The following ZBTB11 variants were observed in gnomAD, a reference collection of about 807,000 sequenced individuals.
ZBTB11 encodes the protein zinc finger and BTB domain containing 11, also known as zinc finger and BTB domain-containing protein 11.
A neutral mutation model predicts 113.1 loss-of-function variants in ZBTB11; 68 were observed. That is an observed-to-expected ratio of 0.60 (90% CI 0.49 to 0.74). The LOEUF (loss-of-function observed/expected upper bound fraction) is 0.74, where lower values mean the gene tolerates loss of function less well. ZBTB11 is among the 30% of genes least tolerant of loss of function. The probability of loss-of-function intolerance (pLI) is 0.00; values close to 1 mark genes in which losing one functional copy is unlikely to be tolerated. For synonymous variants in ZBTB11, 518 were observed against 452.6 expected, an observed-to-expected ratio of 1.14 and a Z score of -1.83; for missense variants, 1,104 against 1,279.4, an observed-to-expected ratio of 0.86 and a Z score of 2.09.
chr3:101,655,208 A>G (rs1431373332), intron 7 of ZBTB11, among the ~76,000 whole-genome samples: 3 of 152,214 alleles, frequency 2.0e-5, no homozygotes, highest in Admixed American at 6.6e-5. Flanking sequence ...GTCATATTTC[A>G]GAAGTTACTT....
intron 3 of ZBTB11, 44 bp from the exon 4 acceptor site, chr3:101,665,852 A>G: frequency 6.7e-7 from 1 of 1,501,832 alleles, no homozygotes; most frequent in South Asian, 1.3e-5. Context: ...GTCAATTATC[A>G]ATGAAACAAT....
Position 101,656,200 on chromosome 3 carries a change from T to G in ZBTB11, c.2095A>C (p.Ser699Arg), listed in dbSNP as rs754368653. 6.3e-7 allele frequency: 1 copy of G among 1,599,870 alleles called. No homozygotes were observed. Among genetic ancestry groups the G allele is most frequent in the Non-Finnish European group, 8.5e-7 (1 of 1,173,858 alleles). The change falls in exon 7 of 11, where the codon AGT becomes CGT. Residue 699 changes from serine (S) to arginine (R), a missense_variant. This residue lies in a region of ZBTB11 where 535 missense variants were observed against 518.6 expected (regional missense o/e 1.03). Coordinates refer to ENST00000312938, the MANE Select transcript of ZBTB11 (RefSeq NM_014415.4). ...AACTGCTTCTGTGATTGATGAAGACTCTGATGTAATTTTAGACCATGCTTA... is the reference window on the plus strand; with the variant it reads ...AACTGCTTCTGTGATTGATGAAGACGCTGATGTAATTTTAGACCATGCTTA... ...IYKHGLKLHQ[S>R]LHQSQKQFQC...
intron 6 of ZBTB11, among the ~76,000 whole-genome samples, chr3:101,657,826 G>A (rs1559983082): frequency 6.6e-6 from 1 of 151,638 alleles, no homozygotes; most frequent in Non-Finnish European, 1.5e-5. Flanking sequence ...AAAAGGCAGG[G>A]TCTCTATAAA....
In ZBTB11 at chr3:101,676,982, C is replaced by A. The variant is rs890593545; in HGVS notation, c.-68G>T. 1 of 1,474,628 alleles carries A rather than the reference C, an allele frequency of 6.8e-7. No individual in the cohort carries two copies. The highest frequency in any genetic ancestry group is 1.4e-5 in the African/African-American group (1 of 69,734). 91.3% of individuals were successfully genotyped at this position (1,474,628 alleles called of 1,614,324 possible). On this transcript the variant is annotated 5_prime_UTR_variant, in exon 1 of 11. Coordinates refer to ENST00000312938, the MANE Select transcript of ZBTB11 (RefSeq NM_014415.4). Reference sequence around the variant, plus strand: ...AGGAAAACGGCCCGCTACCTACGGGCGGCTGCAGGAGGAGCGGCGGCACCG... The same window carrying A: ...AGGAAAACGGCCCGCTACCTACGGGAGGCTGCAGGAGGAGCGGCGGCACCG...
Position 101,651,188 on chromosome 3 carries a change from G to T in ZBTB11, c.3140C>A (p.Ala1047Glu), listed in dbSNP as rs1376303279. ...TACTCATTCTCCTCCTGAAATATGT[G>T]CTACCTCTACTTTAACAGTTTGAAT... Reference protein sequence around the residue: ...EAIQTVKVEVAHISGGE With the variant: ...EAIQTVKVEVEHISGGE The change falls in exon 11 of 11, where the codon GCA becomes GAA. Residue 1047 changes from alanine (A) to glutamate (E), a missense_variant. Transcript: ENST00000312938. 1 of 1,597,508 alleles carries T rather than the reference G, an allele frequency of 6.3e-7. No individual in the cohort carries two copies. The highest frequency in any genetic ancestry group is 1.3e-5 in the African/African-American group (1 of 74,274).
intron 3 of ZBTB11, among the ~76,000 whole-genome samples, chr3:101,667,257 C>G (rs1235930561): frequency 6.6e-6 from 1 of 152,132 alleles, no homozygotes; most frequent in Non-Finnish European, 1.5e-5. Context: ...CTCAGCTGAT[C>G]TTGACCTCCT....
In ZBTB11 at chr3:101,665,687, G is replaced by A; in HGVS notation, c.900C>T (p.Val300=). The change falls in exon 4 of 11, where the codon GTC becomes GTT. Residue 300 remains valine (V), a synonymous_variant. Coordinates refer to ENST00000312938, the MANE Select transcript of ZBTB11 (RefSeq NM_014415.4). ...ILARHLFMSE[V]LEICESVHKL... Reference sequence around the variant, plus strand: ...TATGTACACTTTCACAAATCTCTAAGACTTCTGACATGAAAAGATGACGAG... The same window carrying A: ...TATGTACACTTTCACAAATCTCTAAAACTTCTGACATGAAAAGATGACGAG... 1 of 1,614,124 alleles carries A rather than the reference G, an allele frequency of 6.2e-7. No individual in the cohort carries two copies. The highest frequency in any genetic ancestry group is 8.5e-7 in the Non-Finnish European group (1 of 1,180,028).
chr3:101,659,974 G>A lies in ZBTB11; in HGVS notation c.1855C>T (p.His619Tyr). The A allele has an allele frequency of 6.2e-7, 1 of 1,614,206 alleles. No individual in the cohort carries two copies. ...SASLRAHLIR[H>Y]TRKDAPSSSS... is the part of the protein sequence containing the mutation. ...GAAGAGGGTGCATCTTTTCTGGTAT[G>A]ACGAATAAGATGTGCTCGCAAAGAG... Residue 619 changes from histidine to tyrosine, a missense_variant, in exon 6 of 11, where the codon CAT (histidine) becomes TAT (tyrosine). His to Tyr is a moderately conservative substitution (Grantham distance 83). Coordinates refer to ENST00000312938, the MANE Select transcript of ZBTB11 (RefSeq NM_014415.4).
intron 10 of ZBTB11, 45 bp from the exon 11 acceptor site, chr3:101,651,728 CA>C: frequency 6.7e-7 from 1 of 1,485,594 alleles, no homozygotes; most frequent in African/African-American, 1.4e-5. Flanking sequence ...GTGCAAGCAC[CA>C]AAATATACTT....
intron 7 of ZBTB11, chr3:101,655,695 C>T (rs1936783121): frequency 6.6e-6 from 1 of 150,754 alleles, no homozygotes; most frequent in African/African-American, 2.4e-5. Context: ...GATTCTTGCT[C>T]TGTCGCCCAG....
rs1194470550 is a variant in ZBTB11 at position 101,654,688 on chromosome 3, C to G, written c.2309+16G>C. ...ATAATTAAATTAACTGAATGCCTCA[C>G]ATATTGAATACTTACTGAGTACAAT... On this transcript the variant is annotated intron_variant, in intron 8 of 10. Transcript: ENST00000312938. 1 of 1,588,198 alleles carries G rather than the reference C, an allele frequency of 6.3e-7. No homozygotes were observed. Among genetic ancestry groups the G allele is most frequent in the African/African-American group, 1.4e-5 (1 of 73,954 alleles).
chr3:101,676,737 CG>C lies in ZBTB11; in HGVS notation c.177del (p.Phe59LeufsTer48). 1 of 1,605,054 alleles carries C rather than the reference CG, an allele frequency of 6.2e-7. No homozygotes were observed. Among genetic ancestry groups the C allele is most frequent in the Non-Finnish European group, 8.5e-7 (1 of 1,176,116 alleles). ...YQRRQRHRKTFAELEVVLQPE... is the reference protein window; with the variant it reads ...YQRRQRHRKTXAELEVVLQPE... Reference sequence around the variant, plus strand: ...GGCTGCAGCACCACCTCCAGCTCCGCGAAGGTCTTGCGGTGCCGCTGCCGCC... The same window carrying C: ...GGCTGCAGCACCACCTCCAGCTCCGCAAGGTCTTGCGGTGCCGCTGCCGCC... On this transcript the variant is annotated frameshift_variant, in exon 1 of 11. Coordinates refer to ENST00000312938, the MANE Select transcript of ZBTB11 (RefSeq NM_014415.4). LOFTEE classifies it high-confidence loss of function.
At chr3:101,669,118 C>T (rs943466550) in intron 3 of ZBTB11, among the ~76,000 whole-genome samples, 9 of 152,076 alleles carry the variant, frequency 5.9e-5, no homozygotes, top group East Asian at 1.9e-4. Context: ...CTGCAACCTC[C>T]GCCTCCTGGG....
chr3:101,660,603 CTT>C (rs1464571105), intron 5 of ZBTB11, among the ~76,000 whole-genome samples: 5 of 152,192 alleles, frequency 3.3e-5, no homozygotes, highest in Non-Finnish European at 5.9e-5. Flanking sequence ...ATGACTCTCT[CTT>C]GATGCTTCCC....
intron 6 of ZBTB11, 134 bp downstream of exon 6, chr3:101,659,649 A>G (rs1337487021): frequency 3.6e-6 from 4 of 1,096,428 alleles, no homozygotes; most frequent in Non-Finnish European, 5.2e-6. Context: ...GATCTAGGCA[A>G]TAAAGAAGTC....
At chr3:101,654,083 A>T (rs1441983123) in intron 8 of ZBTB11, among the ~76,000 whole-genome samples, 1 of 151,494 alleles carries the variant, frequency 6.6e-6, no homozygotes, top group African/African-American at 2.4e-5. Context: ...TCTGTCACCC[A>T]GGATGGAGTG....
chr3:101,665,394 G>A lies in ZBTB11; in HGVS notation c.1193C>T (p.Ser398Leu), dbSNP rs201477662. The change falls in exon 4 of 11, where the codon TCA (serine) becomes TTA (leucine). Residue 398 changes from serine to leucine, a missense_variant. Around this residue, in one of 5 missense-constraint regions of ZBTB11, gnomAD observed 535 missense variants for 518.6 expected, o/e 1.03. Coordinates refer to ENST00000312938, the MANE Select transcript of ZBTB11 (RefSeq NM_014415.4). ...ATGGGAATCAGCTATACATCCTACT[G>A]ATGACAGGGCAGATTCAGCCTCTGA... ...VSSEAESALS[S>L]VGCIADSHPE... is the part of the protein sequence containing the mutation. 3.1e-6 allele frequency: 5 copies of A among 1,614,196 alleles called. No homozygotes were observed. The highest frequency in any genetic ancestry group is 4.2e-6 in the Non-Finnish European group (5 of 1,180,034).
At chr3:101,664,928 C>T (rs752369136) in intron 4 of ZBTB11, 36 bp downstream of exon 4, 2 of 1,565,318 alleles carry the variant, frequency 1.3e-6, no homozygotes, top group East Asian at 4.5e-5. Context: ...CAACCTAAAG[C>T]TAAAACTACA....
At position 101,665,182 on chromosome 3, in the gene ZBTB11, C is replaced by A; in HGVS notation, c.1405G>T (p.Asp469Tyr). The A allele has an allele frequency of 6.2e-7, 1 of 1,614,134 alleles. No homozygotes were observed. The highest frequency in any genetic ancestry group is 8.5e-7 in the Non-Finnish European group (1 of 1,180,016). The change falls in exon 4 of 11, where the codon GAC (aspartate) becomes TAC (tyrosine). Residue 469 changes from aspartate (D) to tyrosine (Y), a missense_variant. By Grantham distance (160) the Asp-to-Tyr change is radical. Transcript: ENST00000312938. ...ACTTTCTGCCTATGTTTTGGAATGTCTTCGGCACAAATATCCTCAGCTGAT... is the reference window on the plus strand; with the variant it reads ...ACTTTCTGCCTATGTTTTGGAATGTATTCGGCACAAATATCCTCAGCTGAT... ...DISAEDICAEDIPKHRQKVDQ... is the reference protein window; with the variant it reads ...DISAEDICAEYIPKHRQKVDQ...
Sources: allele counts gnomAD v4.1 joint callset (sites outside exome capture counted in the v4.1 genomes callset), GRCh38; gene constraint gnomAD v4.1.1; regional missense constraint gnomAD v4.1.1; transcripts MANE v1.5; gene names NCBI Gene and HGNC (gene_info 2026-07-23, HGNC 2026-07-21).